Variants in KIF26B observed in about 807,000 individuals in gnomAD.
KIF26B encodes the protein kinesin family member 26B.
In KIF26B, 63 loss-of-function variants were observed where a neutral mutation model predicts 151.2. That is an observed-to-expected ratio of 0.42 (90% CI 0.34 to 0.51). KIF26B has a LOEUF of 0.51. KIF26B is among the 20% of genes least tolerant of loss of function. The pLI is 0.07. For missense variants in KIF26B, 2,813 were observed against 2,913.6 expected, an observed-to-expected ratio of 0.97 and a Z score of 0.79; for synonymous variants, 1,357 against 1,262.1, an observed-to-expected ratio of 1.08 and a Z score of -1.59.
At chr1:245,565,024 A>G (rs2042995783) in intron 5 of KIF26B, among the ~76,000 whole-genome samples, 1 of 152,162 alleles carries the variant, frequency 6.6e-6, no homozygotes, top group Non-Finnish European at 1.5e-5. Context: ...GCTCTGTTAC[A>G]GAGAACAAAA....
At chr1:245,533,642 C>A (rs1347272492) in intron 4 of KIF26B, among the ~76,000 whole-genome samples, 1 of 152,026 alleles carries the variant, frequency 6.6e-6, no homozygotes, top group Non-Finnish European at 1.5e-5. Flanking sequence ...ATTGCTAGGT[C>A]AATATTTTAG....
intron 2 of KIF26B, among the ~76,000 whole-genome samples, chr1:245,243,800 G>A (rs1041897388): frequency 3.2e-4 from 49 of 152,118 alleles, no homozygotes; most frequent in Non-Finnish European, 6.2e-4. Context: ...GCAGTGGGCC[G>A]AGATCATGCC....
In KIF26B at chr1:245,156,558, G is replaced by T. The variant is rs757794492; in HGVS notation, c.340G>T (p.Gly114Cys). 9.1e-6 allele frequency: 14 copies of T among 1,532,594 alleles called. 1 individual carries two copies. The highest frequency in any genetic ancestry group is 1.2e-5 in the Non-Finnish European group (14 of 1,145,866). 94.9% of individuals were successfully genotyped at this position (1,532,594 alleles called of 1,614,324 possible). The change falls in exon 2 of 15, where the codon GGC (glycine) becomes TGC (cysteine). Residue 114 changes from glycine to cysteine, a missense_variant. Around this residue, in one of 3 missense-constraint regions of KIF26B, gnomAD observed 676 missense variants for 688.1 expected, o/e 0.98. Transcript: ENST00000407071. Reference sequence around the variant, plus strand: ...CTTCGGCACAGGCTCCCCGGGCTCCGGCAGCGGCGGCGGCTCCTCCCCCGG... The same window carrying T: ...CTTCGGCACAGGCTCCCCGGGCTCCTGCAGCGGCGGCGGCTCCTCCCCCGG... ...PGFGTGSPGS[G>C]SGGGSSPGSD...
Position 245,685,873 on chromosome 1 carries a change from C to G in KIF26B, c.2890C>G (p.Arg964Gly). ...GCCAGAGCAGGCAAGCAGAGGCCCC[C>G]GGTTAAGCCAAGCAGCGGGGGCAAG... ...FGPEQASRGP[R>G]LSQAAGASPL... Residue 964 changes from arginine to glycine, a missense_variant, in exon 12 of 15, where the codon CGG becomes GGG. Physicochemically the swap from Arg to Gly is moderately radical, Grantham distance 125 (BLOSUM62 -2). Coordinates refer to ENST00000407071, the MANE Select transcript of KIF26B (RefSeq NM_018012.4). 1 of 1,612,876 alleles carries G rather than the reference C, an allele frequency of 6.2e-7. No individual in the cohort carries two copies. Among genetic ancestry groups the G allele is most frequent in the Non-Finnish European group, 8.5e-7 (1 of 1,179,790 alleles).
chr1:245,469,662 G>A (rs915356281), intron 4 of KIF26B, among the ~76,000 whole-genome samples: 1 of 152,058 alleles, frequency 6.6e-6, no homozygotes, highest in African/African-American at 2.4e-5. Context: ...AGTGGCTTTT[G>A]TATCACCCAA....
intron 2 of KIF26B, among the ~76,000 whole-genome samples, chr1:245,262,954 T>C (rs562960835): frequency 2.6e-4 from 39 of 152,350 alleles, no homozygotes; most frequent in Non-Finnish European, 4.9e-4. Flanking sequence ...TATGTGTGTA[T>C]GTTAAAGCAC....
Position 245,688,163 on chromosome 1 carries a change from C to T in KIF26B, c.5180C>T (p.Ala1727Val). 1.9e-6 allele frequency: 3 copies of T among 1,596,488 alleles called. No individual in the cohort carries two copies. Among genetic ancestry groups the T allele is most frequent in the Non-Finnish European group, 8.5e-7 (1 of 1,178,210 alleles). ...CCCAGCTCCGGGGCCTCGCCCAAGG[C>T]CGGCCAGTCCAAGATCTCCGCCGTG... ...SPPSSGASPK[A>V]GQSKISAVSR... is the part of the protein sequence containing the mutation. Residue 1727 changes from alanine (A) to valine (V), a missense_variant, in exon 12 of 15, where the codon GCC becomes GTC. This residue lies in a region of KIF26B where 2,060 missense variants were observed against 2,088.6 expected (regional missense o/e 0.99). Coordinates refer to ENST00000407071, the MANE Select transcript of KIF26B (RefSeq NM_018012.4).
chr1:245,561,281 TG>T (rs2103116288), intron 5 of KIF26B, among the ~76,000 whole-genome samples: 1 of 152,318 alleles, frequency 6.6e-6, no homozygotes, highest in African/African-American at 2.4e-5. Context: ...GTTGGACATT[TG>T]GGGAACAGCC....
rs1341535971 is a variant in KIF26B at position 245,495,988 on chromosome 1, T to C, written c.1167-44779T>C. Among the ~76,000 whole-genome samples, 1 of 152,084 alleles carries C rather than the reference T, an allele frequency of 6.6e-6. No individual in the cohort carries two copies. The highest frequency in any genetic ancestry group is 2.4e-5 in the African/African-American group (1 of 41,396). ...ACTTAATAAAGATATTCGTCAAACATTGAAGTGAAATAAAGACATTTCAGG... is the reference window on the plus strand; with the variant it reads ...ACTTAATAAAGATATTCGTCAAACACTGAAGTGAAATAAAGACATTTCAGG... On this transcript the variant is annotated intron_variant, in intron 4 of 14. Transcript: ENST00000407071. The surrounding 1 kb of genome is among the most constrained non-coding windows in gnomAD (Gnocchi z 4.2).
chr1:245,247,192 T>C (rs906479621), intron 2 of KIF26B, among the ~76,000 whole-genome samples: 1 of 151,960 alleles, frequency 6.6e-6, no homozygotes, highest in Non-Finnish European at 1.5e-5. Context: ...GGCTCGTGCC[T>C]GTAATCCCAG....
chr1:245,522,158 C>T (rs553904465), intron 4 of KIF26B, among the ~76,000 whole-genome samples: 132 of 152,232 alleles, frequency 8.7e-4, no homozygotes, highest in Middle Eastern at 6.8e-3. Context: ...TGTGAGCCAC[C>T]GCGCCCGGCC....
chr1:245,302,957 C>T (rs1671453835), intron 2 of KIF26B, among the ~76,000 whole-genome samples: 2 of 123,384 alleles, frequency 1.6e-5, no homozygotes, highest in South Asian at 5.3e-4. Flanking sequence ...CCATTGTACT[C>T]CAGCCTGGGC....
intron 2 of KIF26B, among the ~76,000 whole-genome samples, chr1:245,220,127 G>A (rs985409427): frequency 6.6e-6 from 1 of 152,176 alleles, no homozygotes; most frequent in Admixed American, 6.5e-5. Context: ...TCCAGGTGGC[G>A]TTGAAGACCA....
intron 2 of KIF26B, among the ~76,000 whole-genome samples, chr1:245,284,828 T>C (rs1030830406): frequency 4.6e-5 from 7 of 152,080 alleles, no homozygotes; most frequent in Non-Finnish European, 1.0e-4. Context: ...CACCTGAGGT[T>C]GGGAGTTCAA....
At chr1:245,164,487 T>C (rs2103518977) in intron 2 of KIF26B, among the ~76,000 whole-genome samples, 1 of 152,320 alleles carries the variant, frequency 6.6e-6, no homozygotes, top group Non-Finnish European at 1.5e-5. Flanking sequence ...CTGGAGCAAC[T>C]CACAGTCTAG....
rs56334344 is a variant in KIF26B, at chr1:245,243,447, TAC to T, written c.465+86788_465+86789del. Among the ~76,000 whole-genome samples the T allele has an allele frequency of 8.1e-3, 1,200 of 147,362 alleles. 13 individuals are homozygous for T. The highest frequency in any genetic ancestry group is 0.028 in the African/African-American group (1,109 of 39,686). The stretch of plus-strand genomic sequence containing the variant: ...ATATATATACATACATATATATATA[TAC>T]ACACACACACACACACACACACATA... On this transcript the variant is annotated intron_variant, in intron 2 of 14. Transcript: ENST00000407071.
intron 2 of KIF26B, among the ~76,000 whole-genome samples, chr1:245,317,543 G>C (rs1289157041): frequency 6.6e-6 from 1 of 152,352 alleles, no homozygotes; most frequent in Non-Finnish European, 1.5e-5. Flanking sequence ...TTTGGAATGA[G>C]GAGGCAAACC....
intron 4 of KIF26B, among the ~76,000 whole-genome samples, chr1:245,526,953 C>A (rs1441720860): frequency 1.3e-5 from 2 of 152,204 alleles, no homozygotes; most frequent in African/African-American, 4.8e-5. Flanking sequence ...GTTTCTCATG[C>A]TGTTCAAGAT....
At chr1:245,372,412 T>A (rs1034001881) in intron 3 of KIF26B, among the ~76,000 whole-genome samples, 1 of 152,160 alleles carries the variant, frequency 6.6e-6, no homozygotes, top group African/African-American at 2.4e-5. Flanking sequence ...GCAGGTTTGT[T>A]ATGTGGGTAA....
Sources: allele counts gnomAD v4.1 joint callset (sites outside exome capture counted in the v4.1 genomes callset), GRCh38; gene constraint gnomAD v4.1.1; regional missense constraint gnomAD v4.1.1; non-coding constraint Gnocchi (gnomAD v3.1); transcripts MANE v1.5; gene names NCBI Gene and HGNC (gene_info 2026-07-23, HGNC 2026-07-21).